NF1: variants seen among roughly 807,000 people sequenced by gnomAD.
The protein encoded by NF1 is neurofibromin 1.
In NF1, 122 loss-of-function variants were observed where a neutral mutation model predicts 325.7. That is an observed-to-expected ratio of 0.37 (90% CI 0.32 to 0.44). NF1 has a LOEUF of 0.44. Among genes scored for constraint, NF1 ranks in the 20% least tolerant of loss-of-function variants. The pLI is 1.00. For missense variants in NF1, 2,140 were observed against 3,415.4 expected, an observed-to-expected ratio of 0.63 and a Z score of 9.31; for synonymous variants, 1,091 against 1,186.0, an observed-to-expected ratio of 0.92 and a Z score of 1.65.
At chr17:31,248,220 CA>C (rs34071215) in intron 29 of NF1, among the ~76,000 whole-genome samples, 43 of 126,154 alleles carry the variant, frequency 3.4e-4, no homozygotes, top group Admixed American at 3.3e-4. Context: ...CACCCCCCAC[CA>C]AAAAAAAAAA....
chr17:31,241,210 G>A (rs1186687033), intron 29 of NF1, among the ~76,000 whole-genome samples: 1 of 152,104 alleles, frequency 6.6e-6, no homozygotes, highest in African/African-American at 2.4e-5. Context: ...TTTATTTTCA[G>A]TCTGTGTTTT....
At chr17:31,235,826 A>G (rs2067191272) in intron 28 of NF1, 54 bp downstream of exon 28, 2 of 1,612,314 alleles carry the variant, frequency 1.2e-6, no homozygotes, top group African/African-American at 2.7e-5. Flanking sequence ...TCAAGTAATG[A>G]TTATGTACAG....
intron 57 of NF1, among the ~76,000 whole-genome samples, chr17:31,369,758 G>C (rs575056544): frequency 6.6e-6 from 1 of 152,302 alleles, no homozygotes; most frequent in South Asian, 2.1e-4. Flanking sequence ...GTCTGCATTG[G>C]AGTGGTCTAT....
Position 31,201,214 on chromosome 17 carries a change from A to C in NF1, c.1185+55A>C, listed in dbSNP as rs1001086118. On this transcript the variant is annotated intron_variant, in intron 10 of 57. Coordinates refer to ENST00000358273, the MANE Select transcript of NF1 (RefSeq NM_001042492.3). ...TTTACTGATGCTGTTATCCTTTATA[A>C]ACAAAAAGACTATAGAGATTAATAG... 13 of 1,604,854 alleles carry C rather than the reference A, an allele frequency of 8.1e-6. No individual in the cohort carries two copies. In the African/African-American group the frequency reaches 1.6e-4, roughly 20 times the overall value.
At chr17:31,233,560 C>T (rs2067151223) in intron 27 of NF1, among the ~76,000 whole-genome samples, 1 of 152,144 alleles carries the variant, frequency 6.6e-6, no homozygotes, top group African/African-American at 2.4e-5. Context: ...CTGTTTACTA[C>T]CTCCAGTTTG....
chr17:31,333,763 G>A lies in NF1; in HGVS notation c.5813-1075G>A, dbSNP rs17883655. Among the ~76,000 whole-genome samples the A allele has an allele frequency of 0.026, 3,931 of 152,288 alleles. 188 individuals carry two copies. The highest frequency in any genetic ancestry group is 0.089 in the African/African-American group (3,714 of 41,548). ...CTGCACAATGATTTGAATGTACTCA[G>A]TGCCACTGAACTGTGCCCTTCAAAA... On this transcript the variant is annotated intron_variant, in intron 39 of 57. Transcript: ENST00000358273.
chr17:31,338,267 T>C (rs1451723335), intron 45 of NF1, 128 bp downstream of exon 45: 2 of 727,246 alleles, frequency 2.8e-6, no homozygotes, highest in South Asian at 1.6e-5. Flanking sequence ...TTATTAAGCC[T>C]TTAAAATGTA....
chr17:31,264,848 C>T (rs1179774621), intron 35 of NF1, among the ~76,000 whole-genome samples: 3 of 152,036 alleles, frequency 2.0e-5, no homozygotes, highest in Non-Finnish European at 4.4e-5. Flanking sequence ...TTATGATAAA[C>T]TTCCATAAAT....
In NF1 at chr17:31,095,158, C is replaced by T; in HGVS notation, c.-152C>T. 1.5e-6 allele frequency: 1 copy of T among 664,440 alleles called. No homozygotes were observed. The highest frequency in any genetic ancestry group is 2.7e-6 in the Non-Finnish European group (1 of 369,512). The allele number at this position is 664,440 out of a possible 1,614,324, so 41.2% of individuals were successfully genotyped here. ...CCCCCTCCCGCTCGGCGCTGACCCC[C>T]CATCCCCACCCCCGTGGGAACACTG... On this transcript the variant is annotated 5_prime_UTR_variant, in exon 1 of 58. Coordinates refer to ENST00000358273, the MANE Select transcript of NF1 (RefSeq NM_001042492.3).
At chr17:31,193,652 C>G (rs1377704054) in intron 8 of NF1, among the ~76,000 whole-genome samples, 30 of 151,674 alleles carry the variant, frequency 2.0e-4, no homozygotes, top group Admixed American at 2.0e-3. Flanking sequence ...ACAAGGAACT[C>G]TGATATCTCA....
chr17:31,223,724 G>A (rs2066966485), intron 16 of NF1, among the ~76,000 whole-genome samples, 157 bp downstream of exon 16: 1 of 152,038 alleles, frequency 6.6e-6, no homozygotes, highest in African/African-American at 2.4e-5. Flanking sequence ...ACAATGACTG[G>A]CAAATCAGCA....
chr17:31,107,819 T>C (rs987320964), intron 1 of NF1, among the ~76,000 whole-genome samples: 2 of 152,038 alleles, frequency 1.3e-5, no homozygotes, highest in Admixed American at 6.6e-5. Context: ...TATGAGGGCA[T>C]TATATGAAAC....
intron 35 of NF1, among the ~76,000 whole-genome samples, chr17:31,263,189 C>A (rs1311702857): frequency 6.6e-6 from 1 of 151,946 alleles, no homozygotes; most frequent in Admixed American, 6.6e-5. Context: ...GCCTGTAATC[C>A]CAGCATTTTG....
At chr17:31,348,647 T>C (rs1448579988) in intron 48 of NF1, among the ~76,000 whole-genome samples, 1 of 150,960 alleles carries the variant, frequency 6.6e-6, no homozygotes, top group Non-Finnish European at 1.5e-5. Context: ...TCACTAGTTT[T>C]CCCTTAACTG....
chr17:31,259,792 G>A (rs1440696775), intron 33 of NF1, among the ~76,000 whole-genome samples: 2 of 152,158 alleles, frequency 1.3e-5, no homozygotes, highest in African/African-American at 2.4e-5. Flanking sequence ...TGCTTTTCAT[G>A]CAGTGTGAAT....
chr17:31,298,152 C>G (rs1017948540), intron 36 of NF1, among the ~76,000 whole-genome samples: 1 of 152,068 alleles, frequency 6.6e-6, no homozygotes, highest in African/African-American at 2.4e-5. Context: ...CACATTTCAT[C>G]TTTCTGGGAA....
intron 3 of NF1, among the ~76,000 whole-genome samples, chr17:31,162,274 C>G (rs1331925274): frequency 1.3e-5 from 2 of 151,806 alleles, no homozygotes; most frequent in Admixed American, 1.3e-4. Flanking sequence ...GTCAGGAGTT[C>G]GAGACCAGCC....
At chr17:31,346,246 G>A (rs1691475522) in intron 48 of NF1, 4 of 1,600,422 alleles carry the variant, frequency 2.5e-6, no homozygotes, top group Admixed American at 1.7e-5. Context: ...AGTGTGTGTA[G>A]TATTGGTGCT....
rs2151433653 is a variant in NF1, at chr17:31,232,073, A to ATT, written c.3198_3199insTT (p.Asp1067LeufsTer11). 1 of 505,826 alleles carries ATT rather than the reference A, an allele frequency of 2.0e-6. No individual in the cohort carries two copies. The highest frequency in any genetic ancestry group is 3.2e-6 in the Non-Finnish European group (1 of 308,676). 31.3% of individuals were successfully genotyped at this position (505,826 alleles called of 1,614,324 possible). A position where few individuals can be genotyped will look rare whatever the true frequency, so the allele number is the denominator to read the frequency against. Reference sequence around the variant, plus strand: ...TTTTTTTTTTTTTTTTTTTTTTCAGAGATTTGGACCAGGCAAGCATGGAAG... The same window carrying ATT: ...TTTTTTTTTTTTTTTTTTTTTTCAGATTGATTTGGACCAGGCAAGCATGGAAG... On this transcript the variant is annotated frameshift_variant and splice_region_variant, in exon 25 of 58. Transcript: ENST00000358273. LOFTEE classifies it high-confidence loss of function.
Sources: gnomAD v4.1 joint callset for allele counts (sites outside exome capture counted in the v4.1 genomes callset) on GRCh38, gnomAD v4.1.1 for gene constraint, MANE v1.5 for transcripts, NCBI Gene and HGNC (gene_info 2026-07-23, HGNC 2026-07-21) for gene names.